The following CCSER2 variants were observed in gnomAD, a reference collection of about 807,000 sequenced individuals.
The protein encoded by CCSER2 is serine-rich coiled-coil domain-containing protein 2.
Under a neutral mutation model 92.3 loss-of-function variants are expected in CCSER2, and 46 were observed. That is an observed-to-expected ratio of 0.50 (90% confidence interval 0.39 to 0.64). The LOEUF is 0.64. Ranked by LOEUF, CCSER2 falls within the 30% of genes least tolerant of loss-of-function variation. CCSER2 has a pLI of 0.00. For missense variants in CCSER2, 1,244 were observed against 1,238.9 expected (o/e 1.00, Z -0.06); for synonymous variants, 433 against 431.4 (o/e 1.00, Z -0.04).
chr10:84,363,468 G>A (rs181390030), intron 1 of CCSER2, among the ~76,000 whole-genome samples: 1 of 152,268 alleles, frequency 6.6e-6, no homozygotes, highest in Admixed American at 6.5e-5. Flanking sequence ...CGAAGTAACT[G>A]CTTATACGTG....
Position 84,435,118 on chromosome 10 carries a change from G to A in CCSER2, c.1869-3394G>A, listed in dbSNP as rs113716608. On this transcript the variant is annotated intron_variant, in intron 5 of 9. Coordinates refer to ENST00000372088, the MANE Select transcript of CCSER2 (RefSeq NM_001284240.2). The stretch of plus-strand genomic sequence containing the variant: ...TTTGAATCTCATGGTGGAGGTATTT[G>A]AAATGCAACCTAAGGCATATAAACT... 8.6e-3 allele frequency among the ~76,000 whole-genome samples: 1,305 copies of A among 152,292 alleles called. 9 individuals are homozygous for A. Among genetic ancestry groups the A allele is most frequent in the African/African-American group, 0.03 (1,242 of 41,568 alleles).
At chr10:84,474,982 CT>C (rs1448896367) in intron 8 of CCSER2, among the ~76,000 whole-genome samples, 1 of 152,172 alleles carries the variant, frequency 6.6e-6, no homozygotes, top group Non-Finnish European at 1.5e-5. Flanking sequence ...TCCAGATCAG[CT>C]TTTTTGGAAT....
intron 5 of CCSER2, among the ~76,000 whole-genome samples, chr10:84,434,108 T>C (rs1405641887): frequency 6.6e-6 from 1 of 152,232 alleles, no homozygotes; most frequent in East Asian, 1.9e-4. Flanking sequence ...ATCAACTTAA[T>C]GTGGGGGATT....
intron 5 of CCSER2, among the ~76,000 whole-genome samples, chr10:84,436,351 AAAT>A (rs1296695602): frequency 0.027 from 3,063 of 114,712 alleles, 321 homozygotes; most frequent in Non-Finnish European, 0.03. Flanking sequence ...AAAAAAAAAA[AAAT>A]GCCGGGCGCG....
intron 9 of CCSER2, among the ~76,000 whole-genome samples, chr10:84,486,428 T>C (rs1187396187): frequency 6.6e-6 from 1 of 152,228 alleles, no homozygotes; most frequent in Admixed American, 6.5e-5. Context: ...TTTTTAATGA[T>C]TGCCATTCTA....
chr10:84,510,118 A>G (rs1295160053), intron 9 of CCSER2, among the ~76,000 whole-genome samples: 2 of 152,192 alleles, frequency 1.3e-5, no homozygotes, highest in South Asian at 2.1e-4. Flanking sequence ...CATGAGTCCT[A>G]GGAGCTGGCC....
chr10:84,338,550 C>T (rs1349160195), intron 1 of CCSER2, among the ~76,000 whole-genome samples: 1 of 152,180 alleles, frequency 6.6e-6, no homozygotes, highest in Non-Finnish European at 1.5e-5. Flanking sequence ...CTCATCTGTG[C>T]ACTCAAGGTC....
chr10:84,435,387 T>A (rs1844044128), intron 5 of CCSER2, among the ~76,000 whole-genome samples: 1 of 152,192 alleles, frequency 6.6e-6, no homozygotes, highest in South Asian at 2.1e-4. Context: ...TATGTCAATA[T>A]ATGTCCATAT....
At chr10:84,329,681 C>T (rs529554775) in intron 1 of CCSER2, among the ~76,000 whole-genome samples, 1 of 152,200 alleles carries the variant, frequency 6.6e-6, no homozygotes, top group South Asian at 2.1e-4. Flanking sequence ...AGACTAGAGA[C>T]TTTAGAGATG....
At chr10:84,448,107 G>A (rs1317454245) in intron 6 of CCSER2, among the ~76,000 whole-genome samples, 1 of 151,976 alleles carries the variant, frequency 6.6e-6, no homozygotes, top group Non-Finnish European at 1.5e-5. Flanking sequence ...CCAGATGGAC[G>A]CCTTCTCACT....
At chr10:84,360,527 G>A (rs745553963) in intron 1 of CCSER2, among the ~76,000 whole-genome samples, 1 of 152,164 alleles carries the variant, frequency 6.6e-6, no homozygotes, top group Non-Finnish European at 1.5e-5. Context: ...AAAAAATGAA[G>A]TATAACTTAC....
At chr10:84,396,906 T>G (rs1841874658) in intron 3 of CCSER2, among the ~76,000 whole-genome samples, 1 of 152,234 alleles carries the variant, frequency 6.6e-6, no homozygotes, top group Admixed American at 6.5e-5. Context: ...GTTTATTCAA[T>G]TACTCTCCCA....
intron 3 of CCSER2, among the ~76,000 whole-genome samples, chr10:84,396,729 G>A (rs942693499): frequency 6.6e-6 from 1 of 152,106 alleles, no homozygotes; most frequent in Non-Finnish European, 1.5e-5. Flanking sequence ...TAGAGATGGG[G>A]TTTCACCATG....
chr10:84,482,939 G>T (rs1288742100), intron 9 of CCSER2, among the ~76,000 whole-genome samples: 1 of 152,054 alleles, frequency 6.6e-6, no homozygotes, highest in Non-Finnish European at 1.5e-5. Flanking sequence ...AACTAACTCT[G>T]TTATATATAG....
intron 3 of CCSER2, among the ~76,000 whole-genome samples, chr10:84,388,945 C>T (rs950492684): frequency 2.0e-5 from 3 of 152,114 alleles, no homozygotes; most frequent in Admixed American, 6.5e-5. Flanking sequence ...GTCCATGGCC[C>T]AGGGGTTAGA....
chr10:84,343,111 G>A (rs1004904575), intron 1 of CCSER2, among the ~76,000 whole-genome samples: 3 of 151,948 alleles, frequency 2.0e-5, no homozygotes, highest in Admixed American at 6.6e-5. Flanking sequence ...AACCTCAAAC[G>A]GCCCCCTTGG....
chr10:84,391,188 C>CT, intron 3 of CCSER2: 1 of 905,190 alleles, frequency 1.1e-6, no homozygotes, highest in Non-Finnish European at 1.9e-6. Context: ...TGCAGTCTGG[C>CT]TTTCTTCCAT....
At chr10:84,402,649 A>G (rs1325153095) in intron 3 of CCSER2, among the ~76,000 whole-genome samples, 1 of 152,204 alleles carries the variant, frequency 6.6e-6, no homozygotes, top group Non-Finnish European at 1.5e-5. Context: ...AAATAACTTG[A>G]CATCTTCAAA....
At chr10:84,342,559 A>G (rs943728591) in intron 1 of CCSER2, among the ~76,000 whole-genome samples, 1 of 152,148 alleles carries the variant, frequency 6.6e-6, no homozygotes, top group Non-Finnish European at 1.5e-5. Context: ...TCTCCTGTTC[A>G]CAGAATAAAC....
Sources: allele counts gnomAD v4.1 joint callset (sites outside exome capture counted in the v4.1 genomes callset), GRCh38; gene constraint gnomAD v4.1.1; transcripts MANE v1.5; gene names NCBI Gene and HGNC (gene_info 2026-07-23, HGNC 2026-07-21).